DOK5: variants seen among roughly 807,000 people sequenced by gnomAD.
DOK5 encodes docking protein 5.
A neutral mutation model predicts 43.3 loss-of-function variants in DOK5; 27 were observed. The ratio of observed to expected loss-of-function variants is 0.62; its 90% CI spans 0.46 to 0.86. The LOEUF is 0.86. Ranked by LOEUF, DOK5 falls within the 40% of genes least tolerant of loss-of-function variation. The pLI is 0.00. For missense variants in DOK5, 373 were observed against 392.9 expected (o/e 0.95, Z 0.43); for synonymous variants, 146 against 140.1 (o/e 1.04, Z -0.30).
At chr20:54,563,953 G>A (rs1264660278) in intron 2 of DOK5, among the ~76,000 whole-genome samples, 2 of 151,966 alleles carry the variant, frequency 1.3e-5, no homozygotes, top group African/African-American at 4.8e-5. Flanking sequence ...GTATTCCCAG[G>A]AGGCAACATG....
chr20:54,593,001 A>T (rs1460305693), intron 5 of DOK5, among the ~76,000 whole-genome samples: 1 of 152,232 alleles, frequency 6.6e-6, no homozygotes, highest in Non-Finnish European at 1.5e-5. Context: ...GACTCTTGAT[A>T]TAAGGAAAGT....
At chr20:54,505,656 G>A (rs1051526249) in intron 1 of DOK5, among the ~76,000 whole-genome samples, 8 of 150,616 alleles carry the variant, frequency 5.3e-5, no homozygotes, top group African/African-American at 2.0e-4. Context: ...GAGAAAGAGA[G>A]AGAAAGAGAG....
chr20:54,639,365 A>AT lies in DOK5; in HGVS notation c.736-4087dup, dbSNP rs1285548963. ...GCACTTCCAATCAAGTGTTTTCTAC[A>AT]TTTTTTATAACCCCAAATCAACCTC... On this transcript the variant is annotated intron_variant, in intron 6 of 7. Transcript: ENST00000262593. 1.4e-4 allele frequency among the ~76,000 whole-genome samples: 22 copies of AT among 152,182 alleles called. 1 individual carries two copies. Among genetic ancestry groups the AT allele is most frequent in the Admixed American group, 1.3e-3 (20 of 15,286 alleles).
intron 1 of DOK5, among the ~76,000 whole-genome samples, chr20:54,515,200 C>A (rs565263601): frequency 1.3e-4 from 20 of 151,950 alleles, no homozygotes; most frequent in African/African-American, 4.6e-4. Flanking sequence ...TTAGTAGATA[C>A]GGGGGTTTCA....
intron 1 of DOK5, among the ~76,000 whole-genome samples, chr20:54,503,856 A>C (rs1345491441): frequency 1.3e-5 from 2 of 152,236 alleles, no homozygotes; most frequent in African/African-American, 4.8e-5. Flanking sequence ...GACAAACTGC[A>C]GCCTATGAAG....
At chr20:54,642,325 C>A (rs1012708435) in intron 6 of DOK5, among the ~76,000 whole-genome samples, 3 of 152,096 alleles carry the variant, frequency 2.0e-5, no homozygotes, top group African/African-American at 7.2e-5. Context: ...ATGTCTGGAA[C>A]AATGATTTGT....
chr20:54,476,092 G>A (rs1427093032), intron 1 of DOK5, 80 bp downstream of exon 1: 11 of 1,588,876 alleles, frequency 6.9e-6, no homozygotes, highest in Non-Finnish European at 8.6e-6. Flanking sequence ...GAGGGTGGAC[G>A]GAGAGTCCCC....
intron 1 of DOK5, among the ~76,000 whole-genome samples, chr20:54,508,265 C>T (rs542029842): frequency 5.6e-4 from 85 of 152,020 alleles, no homozygotes; most frequent in African/African-American, 1.6e-3. Flanking sequence ...CCATGTATTG[C>T]AGTGTTATTA....
rs980572451 is a variant in DOK5, at chr20:54,496,297, G to C, written c.66+20285G>C. On this transcript the variant is annotated intron_variant, in intron 1 of 7. Coordinates refer to ENST00000262593, the MANE Select transcript of DOK5 (RefSeq NM_018431.5). ...TCTCCTTTTATCTTACAAAGGTGTA[G>C]GCTGAGAAAGGCACTGGCATATTAG... Among the ~76,000 whole-genome samples, 7 of 152,270 alleles carry C rather than the reference G, an allele frequency of 4.6e-5. No homozygotes were observed. In the South Asian group the frequency reaches 1.4e-3, roughly 32 times the overall value.
intron 6 of DOK5, 46 bp downstream of exon 6, chr20:54,610,569 G>A: frequency 2.9e-6 from 4 of 1,377,520 alleles, no homozygotes; most frequent in Non-Finnish European, 3.8e-6. Context: ...TATCACTGCA[G>A]AAAGCAATTG....
chr20:54,501,216 C>T (rs1451937893), intron 1 of DOK5, among the ~76,000 whole-genome samples: 3 of 151,172 alleles, frequency 2.0e-5, no homozygotes, highest in African/African-American at 7.3e-5. Flanking sequence ...GCCTGTAATC[C>T]CAGCACTTTG....
chr20:54,495,360 G>A (rs1359948817), intron 1 of DOK5, among the ~76,000 whole-genome samples: 1 of 152,160 alleles, frequency 6.6e-6, no homozygotes, highest in African/African-American at 2.4e-5. Context: ...GTTATAGCTC[G>A]TTGTAGCCAG....
chr20:54,531,422 T>C (rs1207306620), intron 1 of DOK5, among the ~76,000 whole-genome samples: 1 of 152,212 alleles, frequency 6.6e-6, no homozygotes, highest in African/African-American at 2.4e-5. Context: ...TAAGGATAAA[T>C]TGATATTATA....
chr20:54,649,234 G>C (rs1979585242), intron 7 of DOK5, among the ~76,000 whole-genome samples: 1 of 151,980 alleles, frequency 6.6e-6, no homozygotes, highest in Non-Finnish European at 1.5e-5. Context: ...ATGGCTGGTG[G>C]ATGTAGGCGA....
intron 6 of DOK5, among the ~76,000 whole-genome samples, chr20:54,635,600 C>T (rs1227372027): frequency 6.6e-6 from 1 of 152,170 alleles, no homozygotes; most frequent in African/African-American, 2.4e-5. Flanking sequence ...GTTGTCTCAC[C>T]TATCTGGATC....
chr20:54,635,986 T>C (rs1334183669), intron 6 of DOK5, among the ~76,000 whole-genome samples: 1 of 152,216 alleles, frequency 6.6e-6, no homozygotes, highest in Non-Finnish European at 1.5e-5. Context: ...GGTGCTGGCA[T>C]CTTGGAAAAG....
chr20:54,616,784 C>CTTTTTTTTTT, intron 6 of DOK5, among the ~76,000 whole-genome samples: 1 of 105,758 alleles, frequency 9.5e-6, no homozygotes. Flanking sequence ...TTTTTTTTTT[C>CTTTTTTTTTT]TTTTTTTTTT....
chr20:54,490,015 A>G (rs1216689254), intron 1 of DOK5, among the ~76,000 whole-genome samples: 1 of 152,166 alleles, frequency 6.6e-6, no homozygotes, highest in African/African-American at 2.4e-5. Context: ...TGAGAAATGG[A>G]CTCATTTGTG....
intron 7 of DOK5, among the ~76,000 whole-genome samples, chr20:54,647,713 A>G (rs1979504219): frequency 6.6e-6 from 1 of 152,168 alleles, no homozygotes. Context: ...TACTGTGGTC[A>G]AACGCGTCTG....
Sources: gnomAD v4.1 joint callset for allele counts (sites outside exome capture counted in the v4.1 genomes callset) on GRCh38, gnomAD v4.1.1 for gene constraint, MANE v1.5 for transcripts, NCBI Gene and HGNC (gene_info 2026-07-23, HGNC 2026-07-21) for gene names.